The following CDH12 variants were observed in gnomAD, a reference collection of about 807,000 sequenced individuals.
The protein encoded by CDH12 is cadherin-12.
Under a neutral mutation model 74.1 loss-of-function variants are expected in CDH12, and 41 were observed. The observed-to-expected ratio is 0.55, with a 90% confidence interval of 0.43 to 0.72. The LOEUF is 0.72. CDH12 is among the 30% of genes least tolerant of loss of function. The pLI is 0.00. For synonymous variants in CDH12, 399 were observed against 355.0 expected, an observed-to-expected ratio of 1.12 and a Z score of -1.39; for missense variants, 945 against 977.2, an observed-to-expected ratio of 0.97 and a Z score of 0.44.
chr5:22,383,798 C>G (rs948467269), intron 3 of CDH12, among the ~76,000 whole-genome samples: 6 of 152,114 alleles, frequency 3.9e-5, no homozygotes, highest in Non-Finnish European at 8.8e-5. Flanking sequence ...CTAATTATAA[C>G]CATAGCAGAA....
At chr5:22,219,829 A>T (rs1376786149) in intron 3 of CDH12, among the ~76,000 whole-genome samples, 1 of 151,732 alleles carries the variant, frequency 6.6e-6, no homozygotes, top group East Asian at 1.9e-4. Context: ...AATAGTATGA[A>T]ATGAATTAGT....
At chr5:22,169,987 T>G (rs1349107264) in intron 4 of CDH12, among the ~76,000 whole-genome samples, 3 of 151,902 alleles carry the variant, frequency 2.0e-5, no homozygotes, top group Non-Finnish European at 2.9e-5. Flanking sequence ...TACTGCTTAT[T>G]AAAAATATGC....
chr5:22,487,681 T>C (rs11748502), intron 2 of CDH12, among the ~76,000 whole-genome samples: 1 of 152,172 alleles, frequency 6.6e-6, no homozygotes, highest in African/African-American at 2.4e-5. Flanking sequence ...CATTGCTCAT[T>C]GACTAATGGC....
Position 22,030,951 on chromosome 5 carries a change from A to C in CDH12, c.231+47495T>G, listed in dbSNP as rs79434885. 6.1e-3 allele frequency among the ~76,000 whole-genome samples: 935 copies of C among 152,286 alleles called. 10 individuals are homozygous for C. The highest frequency in any genetic ancestry group is 0.021 in the African/African-American group (877 of 41,574). On this transcript the variant is annotated intron_variant, in intron 5 of 14. Coordinates refer to ENST00000382254, the MANE Select transcript of CDH12 (RefSeq NM_004061.5). ...CTCATGAACAAACTCTCCTAGCTGC[A>C]GACTTTTTCTCTGCAGCTTCCTCAT...
At chr5:22,664,350 G>A (rs570945370) in intron 1 of CDH12, among the ~76,000 whole-genome samples, 2 of 152,246 alleles carry the variant, frequency 1.3e-5, no homozygotes, top group East Asian at 1.9e-4. Context: ...CTAGGAAGAA[G>A]GTGAAGGGGA....
chr5:22,358,483 A>C (rs774933904), intron 3 of CDH12, among the ~76,000 whole-genome samples: 1 of 152,128 alleles, frequency 6.6e-6, no homozygotes, highest in Non-Finnish European at 1.5e-5. Context: ...ACAATGGCTG[A>C]TGTTTTCAGT....
chr5:22,535,303 CG>C (rs1421550868), intron 1 of CDH12, among the ~76,000 whole-genome samples: 3 of 151,878 alleles, frequency 2.0e-5, no homozygotes, highest in South Asian at 4.2e-4. Flanking sequence ...TACAGGCGCC[CG>C]CTACCACGCC....
In CDH12 at chr5:22,726,267, G is replaced by A. The variant is rs1292143520; in HGVS notation, c.-523+126791C>T. ...TTGTCTTCATAGTTTTTCCTTTTCT[G>A]GAATGTCATATGGTTGGAATTATAT... On this transcript the variant is annotated intron_variant, in intron 1 of 14. Coordinates refer to ENST00000382254, the MANE Select transcript of CDH12 (RefSeq NM_004061.5). Among the ~76,000 whole-genome samples the A allele has an allele frequency of 3.3e-5, 5 of 151,572 alleles. No homozygotes were observed. In the East Asian group the frequency reaches 7.7e-4, roughly 23 times the overall value.
intron 1 of CDH12, among the ~76,000 whole-genome samples, chr5:22,542,389 T>G (rs1356519940): frequency 6.6e-6 from 1 of 152,204 alleles, no homozygotes; most frequent in African/African-American, 2.4e-5. Flanking sequence ...AATGATCCAT[T>G]GCCAAGTGGC....
chr5:22,211,585 G>C lies in CDH12; in HGVS notation c.-187+913C>G, dbSNP rs370642246. The stretch of plus-strand genomic sequence containing the variant: ...AAAAAGTTCAGGTAATTAAACTTTG[G>C]AAAAAAGTTGCTTACAATACCTTTC... On this transcript the variant is annotated intron_variant, in intron 4 of 14. Transcript: ENST00000382254. 9.4e-4 allele frequency among the ~76,000 whole-genome samples: 143 copies of C among 151,840 alleles called. 3 individuals carry two copies. In the East Asian group the frequency reaches 0.024, roughly 25 times the overall value.
At chr5:22,491,622 C>CAAAA (rs33936783) in intron 2 of CDH12, among the ~76,000 whole-genome samples, 11 of 135,634 alleles carry the variant, frequency 8.1e-5, no homozygotes, top group African/African-American at 3.1e-4. Context: ...AAAAAAAAAA[C>CAAAA]AAAAAAAAAA....
chr5:21,967,049 A>C (rs10055932), intron 6 of CDH12, among the ~76,000 whole-genome samples: 25,844 of 151,754 alleles, frequency 0.17, 2,602 homozygotes, highest in African/African-American at 0.28. Flanking sequence ...TGGTTGCTTC[A>C]AGTTATTTTT....
intron 1 of CDH12, among the ~76,000 whole-genome samples, chr5:22,674,916 C>T (rs1164826256): frequency 6.6e-6 from 1 of 152,062 alleles, no homozygotes; most frequent in Non-Finnish European, 1.5e-5. Context: ...GACTTGGGTG[C>T]TGTTAAAGGC....
At chr5:22,250,416 G>T (rs551658318) in intron 3 of CDH12, among the ~76,000 whole-genome samples, 2 of 152,224 alleles carry the variant, frequency 1.3e-5, no homozygotes, top group East Asian at 3.9e-4. Context: ...ACCTCAGCTG[G>T]GGCTGTGATC....
chr5:22,323,036 G>GTAA (rs758267286), intron 3 of CDH12, among the ~76,000 whole-genome samples: 7 of 152,140 alleles, frequency 4.6e-5, no homozygotes, highest in Non-Finnish European at 7.4e-5. Flanking sequence ...GGTAATAAGA[G>GTAA]TAATCAGTTT....
intron 1 of CDH12, among the ~76,000 whole-genome samples, chr5:22,717,108 G>A (rs561721692): frequency 2.0e-5 from 3 of 152,204 alleles, no homozygotes; most frequent in East Asian, 3.9e-4. Flanking sequence ...AGCCCAAGCA[G>A]TGTTGATAAA....
chr5:22,185,797 T>C (rs1166939075), intron 4 of CDH12, among the ~76,000 whole-genome samples: 3 of 152,202 alleles, frequency 2.0e-5, no homozygotes, highest in African/African-American at 4.8e-5. Context: ...ATCAGTTCCA[T>C]TTACATTTAT....
intron 1 of CDH12, among the ~76,000 whole-genome samples, chr5:22,667,756 T>C (rs1034120970): frequency 3.9e-5 from 6 of 152,358 alleles, no homozygotes; most frequent in African/African-American, 1.4e-4. Flanking sequence ...TATTCACTTA[T>C]TTGCTCTGAA....
chr5:22,451,431 A>G (rs1358357795), intron 2 of CDH12, among the ~76,000 whole-genome samples: 1 of 151,988 alleles, frequency 6.6e-6, no homozygotes, highest in Non-Finnish European at 1.5e-5. Flanking sequence ...GCAAATCAAT[A>G]CACATGATCT....
Sources: allele counts gnomAD v4.1 joint callset (sites outside exome capture counted in the v4.1 genomes callset), GRCh38; gene constraint gnomAD v4.1.1; transcripts MANE v1.5; gene names NCBI Gene and HGNC (gene_info 2026-07-23, HGNC 2026-07-21).